Variants in SHANK2 observed in about 807,000 individuals in gnomAD.
The protein encoded by SHANK2 is SH3 and multiple ankyrin repeat domains protein 2.
A neutral mutation model predicts 133.7 loss-of-function variants in SHANK2; 43 were observed. The observed-to-expected ratio is 0.32, with a 90% CI of 0.25 to 0.41. The LOEUF is 0.41. SHANK2 is among the 10% of genes least tolerant of loss of function. SHANK2 has a pLI of 1.00. For synonymous variants in SHANK2, 1,017 were observed against 952.8 expected (o/e 1.07, Z -1.24); for missense variants, 1,994 against 2,235.8 (o/e 0.89, Z 2.18).
intron 3 of SHANK2, among the ~76,000 whole-genome samples, chr11:71,139,921 G>A (rs1485582176): frequency 1.1e-4 from 17 of 152,290 alleles, no homozygotes; most frequent in East Asian, 1.9e-4. Context: ...CAGTGGGCCC[G>A]GACAGCAGCG....
chr11:70,624,521 A>C (rs2060877221), intron 17 of SHANK2, among the ~76,000 whole-genome samples: 1 of 147,042 alleles, frequency 6.8e-6, no homozygotes, highest in Admixed American at 6.8e-5. Flanking sequence ...TCCCATGGCC[A>C]CAACCTTCTT....
chr11:70,602,792 T>C (rs549458988), intron 17 of SHANK2, among the ~76,000 whole-genome samples: 1 of 152,366 alleles, frequency 6.6e-6, no homozygotes, highest in Admixed American at 6.5e-5. Flanking sequence ...ATAAATTGTA[T>C]AACATTACAT....
intron 1 of SHANK2, among the ~76,000 whole-genome samples, chr11:71,245,559 G>A (rs1303807843): frequency 1.3e-5 from 2 of 152,164 alleles, no homozygotes; most frequent in African/African-American, 4.8e-5. Flanking sequence ...AAATAAACTG[G>A]TGTGCCACCC....
chr11:71,081,918 C>T (rs1951305994), intron 8 of SHANK2, among the ~76,000 whole-genome samples: 1 of 152,212 alleles, frequency 6.6e-6, no homozygotes, highest in African/African-American at 2.4e-5. Context: ...GGTCCTGCCA[C>T]CTGGCAGGGA....
chr11:71,241,057 A>T (rs1264181937), intron 1 of SHANK2: 1 of 152,212 alleles, frequency 6.6e-6, no homozygotes, highest in African/African-American at 2.4e-5. Flanking sequence ...GTGGGATTGT[A>T]ACTTGGTACA....
chr11:70,471,139 T>C lies in SHANK2; in HGVS notation c.*1730A>G, dbSNP rs1475188425. The C allele has an allele frequency of 2.5e-6, 1 of 397,988 alleles. No homozygotes were observed. Among genetic ancestry groups the C allele is most frequent in the Non-Finnish European group, 4.4e-6 (1 of 225,754 alleles). 24.7% of individuals were successfully genotyped at this position (397,988 alleles called of 1,614,324 possible). ...GCCTAGTAGACCAGCCACTTTTTTT[T>C]CTTAAAATATTGTGCTTATAAACTA... On this transcript the variant is annotated 3_prime_UTR_variant, in exon 26 of 26. Transcript: ENST00000601538. The surrounding 1 kb of genome is among the most constrained non-coding windows in gnomAD (Gnocchi z 4.1).
intron 10 of SHANK2, among the ~76,000 whole-genome samples, chr11:70,931,760 G>A (rs1555082531): frequency 6.6e-6 from 1 of 152,226 alleles, no homozygotes; most frequent in Non-Finnish European, 1.5e-5. Context: ...GTCTATCACA[G>A]CAATGAGGTC....
intron 17 of SHANK2, among the ~76,000 whole-genome samples, chr11:70,559,976 A>C (rs2059886283): frequency 6.6e-6 from 1 of 151,986 alleles, no homozygotes; most frequent in African/African-American, 2.4e-5. Flanking sequence ...GGTTCAAGTG[A>C]TTCTCCTGCC....
rs1565259904 is a variant in SHANK2, at chr11:70,710,249, T to C, written c.1778-11486A>G. Among the ~76,000 whole-genome samples, 3 of 152,350 alleles carry C rather than the reference T, an allele frequency of 2.0e-5. No individual in the cohort carries two copies. In the South Asian group the frequency reaches 6.2e-4, roughly 32 times the overall value. ...CCCCTCAGGCAGGCCTGGCTCCCTC[T>C]TCACAACGGCCTAAGAGCTGCCGCA... On this transcript the variant is annotated intron_variant, in intron 14 of 25. Coordinates refer to ENST00000601538, the MANE Select transcript of SHANK2 (RefSeq NM_012309.5).
chr11:70,548,666 G>T (rs530056085), intron 17 of SHANK2, among the ~76,000 whole-genome samples: 1 of 152,204 alleles, frequency 6.6e-6, no homozygotes, highest in East Asian at 1.9e-4. Flanking sequence ...TTGGGATCAC[G>T]GGTTATTGTG....
At chr11:70,778,230 C>T (rs1947406577) in intron 14 of SHANK2, among the ~76,000 whole-genome samples, 2 of 152,188 alleles carry the variant, frequency 1.3e-5, no homozygotes, top group South Asian at 4.1e-4. Context: ...CTGAGACTGA[C>T]CTAAAGAGGC....
chr11:70,650,291 C>G (rs1555009788), intron 17 of SHANK2, among the ~76,000 whole-genome samples: 1 of 152,210 alleles, frequency 6.6e-6, no homozygotes, highest in East Asian at 1.9e-4. Flanking sequence ...GTAGATGAGA[C>G]TGTCACTAAG....
At chr11:71,133,962 G>A (rs1372592826) in intron 3 of SHANK2, among the ~76,000 whole-genome samples, 6 of 146,200 alleles carry the variant, frequency 4.1e-5, no homozygotes, top group African/African-American at 1.5e-4. Flanking sequence ...GTCTCATTAC[G>A]TTGCCCAGGT....
At chr11:70,528,643 G>A (rs1554972593) in intron 17 of SHANK2, among the ~76,000 whole-genome samples, 1 of 152,124 alleles carries the variant, frequency 6.6e-6, no homozygotes, top group Non-Finnish European at 1.5e-5. Flanking sequence ...CTGAGGCTGA[G>A]GGCAGAAGGG....
At chr11:70,827,849 C>A (rs1948668997) in intron 11 of SHANK2, among the ~76,000 whole-genome samples, 1 of 151,924 alleles carries the variant, frequency 6.6e-6, no homozygotes. Flanking sequence ...AGGCTGGGGG[C>A]CCCCCAGGAG....
intron 3 of SHANK2, among the ~76,000 whole-genome samples, chr11:71,124,842 G>A (rs1448375985): frequency 2.6e-5 from 4 of 152,088 alleles, no homozygotes; most frequent in Non-Finnish European, 2.9e-5. Flanking sequence ...GGAGGTTTGC[G>A]GCAACTCCGC....
chr11:70,845,269 T>C (rs1302549219), intron 11 of SHANK2, among the ~76,000 whole-genome samples: 1 of 138,738 alleles, frequency 7.2e-6, no homozygotes, highest in Non-Finnish European at 1.6e-5. Context: ...AAATGAGGTA[T>C]AGAGAAAATG....
chr11:70,862,804 G>A (rs75421734), intron 11 of SHANK2: 11,407 of 277,970 alleles, frequency 0.041, 383 homozygotes, highest in South Asian at 0.086. Context: ...GGATCCTTTG[G>A]GATTCCCCCA....
chr11:70,729,824 T>G (rs1481324840), intron 14 of SHANK2, among the ~76,000 whole-genome samples: 1 of 150,940 alleles, frequency 6.6e-6, no homozygotes. Context: ...TGAGCCACCG[T>G]GCTTGGCCTG....
Sources: gnomAD v4.1 joint callset for allele counts (sites outside exome capture counted in the v4.1 genomes callset) on GRCh38, gnomAD v4.1.1 for gene constraint, Gnocchi (gnomAD v3.1) non-coding constraint, MANE v1.5 for transcripts, NCBI Gene and HGNC (gene_info 2026-07-23, HGNC 2026-07-21) for gene names.